The following TAF1 variants were observed in gnomAD, a reference collection of about 807,000 sequenced individuals.
The protein encoded by TAF1 is transcription initiation factor TFIID subunit 1.
A neutral mutation model predicts 138.5 loss-of-function variants in TAF1; 2 were observed. The ratio of observed to expected loss-of-function variants is 0.01; its 90% CI spans 0.01 to 0.05. TAF1 has a LOEUF of 0.05. TAF1 is among the 10% of genes least tolerant of loss of function. TAF1 has a pLI of 1.00. For synonymous variants in TAF1, 437 were observed against 503.2 expected (o/e 0.87, Z 1.76); for missense variants, 709 against 1,478.0 (o/e 0.48, Z 8.53).
chrX:71,461,678 C>G (rs769113777), intron 37 of TAF1, among the ~76,000 whole-genome samples: 2 of 111,864 alleles, frequency 1.8e-5, no homozygotes, highest in African/African-American at 3.3e-5. Flanking sequence ...TATGCAATAA[C>G]ATTGTAAACA....
At chrX:71,389,544 T>C in intron 17 of TAF1, 41 bp from the exon 18 acceptor site, 1 of 1,141,127 alleles carries the variant, frequency 8.8e-7, no homozygotes, top group East Asian at 3.0e-5. Flanking sequence ...GCTTTGTGTT[T>C]TTTAACTGAC....
chrX:71,403,087 G>A lies in TAF1; in HGVS notation c.3998+1348G>A, dbSNP rs28382186. Among the ~76,000 whole-genome samples, 460 of 109,477 alleles carry A rather than the reference G, an allele frequency of 4.2e-3. 4 individuals carry two copies. The highest frequency in any genetic ancestry group is 0.014 in the African/African-American group (424 of 30,089). ...TCTATTACCCAGGCTGGAGTGCAGG[G>A]GCATGATCTCAGCTCACTGCAACCT... On this transcript the variant is annotated intron_variant, in intron 25 of 37. Transcript: ENST00000423759.
chrX:71,419,960 T>A (rs2036242291), intron 28 of TAF1: 2 of 249,025 alleles, frequency 8.0e-6, no homozygotes, highest in South Asian at 1.1e-4. Context: ...TATATCTTTT[T>A]AAAAAAATAC....
chrX:71,452,718 G>T (rs2038073166), intron 32 of TAF1, among the ~76,000 whole-genome samples: 1 of 111,915 alleles, frequency 8.9e-6, no homozygotes, highest in African/African-American at 3.2e-5. Flanking sequence ...GCAGCTGGGA[G>T]GTGGAGGTTG....
chrX:71,392,475 G>A, intron 18 of TAF1, 94 bp from the exon 19 acceptor site: 1 of 1,019,325 alleles, frequency 9.8e-7, no homozygotes, highest in East Asian at 3.3e-5. Flanking sequence ...AAAAGAACAT[G>A]AAAATAGTTT....
intron 32 of TAF1, among the ~76,000 whole-genome samples, chrX:71,445,664 A>G (rs1484736969): frequency 9.0e-6 from 1 of 111,702 alleles, no homozygotes; most frequent in Non-Finnish European, 1.9e-5. Flanking sequence ...CACTAAATTT[A>G]GAAGGGGCTT....
At chrX:71,458,430 G>A in intron 35 of TAF1, 64 bp downstream of exon 35, 1 of 1,120,518 alleles carries the variant, frequency 8.9e-7, no homozygotes, top group East Asian at 3.1e-5. Flanking sequence ...TAGGGGAATG[G>A]TGATGGTGAT....
intron 13 of TAF1, among the ~76,000 whole-genome samples, chrX:71,476,658 C>CAAA (rs747600361): frequency 1.1e-5 from 1 of 92,159 alleles, no homozygotes; most frequent in Non-Finnish European, 2.2e-5. Flanking sequence ...CTCTCTCCCT[C>CAAA]AAAAAAAAAA....
At chrX:71,453,105 G>GGA (rs2038114706) in intron 32 of TAF1, among the ~76,000 whole-genome samples, 4 of 109,027 alleles carry the variant, frequency 3.7e-5, no homozygotes, top group Non-Finnish European at 7.6e-5. Context: ...GGGAGAGGAG[G>GGA]GAGAGGGAGA....
intron 13 of TAF1, among the ~76,000 whole-genome samples, chrX:71,517,456 A>G (rs915067013): frequency 1.8e-5 from 2 of 111,841 alleles, no homozygotes; most frequent in African/African-American, 6.5e-5. Context: ...CCCATAATAT[A>G]TACACCTACT....
intron 13 of TAF1, chrX:71,492,107 T>A (rs1371579740): frequency 1.8e-5 from 2 of 114,147 alleles, no homozygotes; most frequent in African/African-American, 6.4e-5. Context: ...CCCTGTTTTT[T>A]TTCTGGACTT....
chrX:71,510,148 C>A (rs1176520541), intron 13 of TAF1, among the ~76,000 whole-genome samples: 1 of 110,821 alleles, frequency 9.0e-6, no homozygotes, highest in Non-Finnish European at 1.9e-5. Context: ...GTTGACAGAG[C>A]AAGATCCTGT....
At chrX:71,370,763 G>A (rs186306589) in intron 3 of TAF1, among the ~76,000 whole-genome samples, 115 of 112,026 alleles carry the variant, frequency 1.0e-3, no homozygotes, top group South Asian at 2.6e-3. Flanking sequence ...CTTGAACTTA[G>A]TTTTTTCGGG....
chrX:71,387,701 A>G (rs1442240553), intron 15 of TAF1, among the ~76,000 whole-genome samples: 4 of 111,618 alleles, frequency 3.6e-5, no homozygotes, highest in African/African-American at 1.3e-4. Context: ...TGGAAGGCCG[A>G]GGTGGGCGGA....
chrX:71,373,528 G>C (rs1399848383), intron 3 of TAF1, among the ~76,000 whole-genome samples: 1 of 111,769 alleles, frequency 8.9e-6, no homozygotes, highest in Non-Finnish European at 1.9e-5. Flanking sequence ...TGAGATTGAT[G>C]AAGGAGACAG....
At chrX:71,413,966 T>C (rs747379991) in intron 28 of TAF1, 1 of 111,073 alleles carries the variant, frequency 9.0e-6, no homozygotes, top group South Asian at 3.8e-4. Context: ...CTGGACGCTA[T>C]AATTGTCAAA....
chrX:71,413,422 C>T (rs759159343), intron 28 of TAF1, among the ~76,000 whole-genome samples: 37 of 111,888 alleles, frequency 3.3e-4, no homozygotes, highest in Non-Finnish European at 7.0e-4. Flanking sequence ...TTTTGATTTG[C>T]ATTTCCCTAT....
In TAF1 at chrX:71,388,311, C is replaced by G. The variant is rs1423972747; in HGVS notation, c.2502C>G (p.Ala834=). ...TACGAATGGAAGATATAAAAAAAGC[C>G]TTTCCTTCCCATTCAGAAAGCAGCA... is the stretch of plus-strand genomic sequence containing the variant. ...RRIRMEDIKK[A]FPSHSESSIR... Residue 834 remains alanine, a synonymous_variant, in exon 16 of 38, where the codon GCC becomes GCG. Transcript: ENST00000423759. The G allele has an allele frequency of 3.3e-6, 4 of 1,211,761 alleles. No homozygotes were observed. Among genetic ancestry groups the G allele is most frequent in the Non-Finnish European group, 4.5e-6 (4 of 895,581 alleles).
chrX:71,458,250 T>C lies in TAF1; in HGVS notation c.4948T>C (p.Leu1650=), dbSNP rs779320845. The C allele has an allele frequency of 3.0e-5, 36 of 1,209,519 alleles. 1 individual carries two copies. The Middle Eastern group carries it at 3.2e-3, about 108-fold the overall frequency. Residue 1650 remains leucine (L), a synonymous_variant, in exon 35 of 38, where the codon TTG becomes CTG. Transcript: ENST00000423759. ...PGPYTPQPPD[L]YDTNTSLSMS... ...ATGTTTTGTGCCACAGCCTCCTGAT[T>C]TGTATGATACCAACACATCCCTCAG... is the stretch of plus-strand genomic sequence containing the variant.
Sources: gnomAD v4.1 joint callset for allele counts (sites outside exome capture counted in the v4.1 genomes callset) on GRCh38, gnomAD v4.1.1 for gene constraint, MANE v1.5 for transcripts, NCBI Gene and HGNC (gene_info 2026-07-23, HGNC 2026-07-21) for gene names.